Variants in NRG1 observed in about 807,000 individuals in gnomAD.
NRG1 encodes the protein neuregulin 1.
NRG1 carries 18 observed loss-of-function variants against 63.8 expected under a neutral mutation model. The observed-to-expected ratio is 0.28, with a 90% CI of 0.19 to 0.42. The LOEUF is 0.42. NRG1 is among the 10% of genes least tolerant of loss of function. NRG1 has a pLI of 1.00. For missense variants in NRG1, 762 were observed against 814.7 expected (o/e 0.94, Z 0.79); for synonymous variants, 302 against 301.3 (o/e 1.00, Z -0.02).
chr8:32,204,657 C>G (rs1843835800), intron 1 of NRG1, among the ~76,000 whole-genome samples: 1 of 152,138 alleles, frequency 6.6e-6, no homozygotes, highest in Non-Finnish European at 1.5e-5. Flanking sequence ...GTTAACGGAT[C>G]TTTTAAAATG....
At chr8:32,595,642 A>G (rs930339135) in intron 1 of NRG1, among the ~76,000 whole-genome samples, 186 bp from the exon 2 acceptor site, 2 of 152,214 alleles carry the variant, frequency 1.3e-5, no homozygotes, top group Non-Finnish European at 2.9e-5. Context: ...AGTATATTTT[A>G]TTTGGGCATT....
Position 31,814,277 on chromosome 8 carries a change from C to A in NRG1, c.37+174846C>A, listed in dbSNP as rs538222349. Among the ~76,000 whole-genome samples the A allele has an allele frequency of 1.2e-4, 19 of 152,292 alleles. No individual in the cohort carries two copies. The South Asian group carries it at 3.7e-3, about 30-fold the overall frequency. On this transcript the variant is annotated intron_variant, in intron 1 of 10. Coordinates refer to the NRG1 transcript ENST00000519301. ...CTCTAGCTACCTGGAATAAAACACC[C>A]AGTGTAGTGTCTGGGATCCAGTGGG...
intron 1 of NRG1, among the ~76,000 whole-genome samples, chr8:32,372,801 C>T (rs1400189335): frequency 6.6e-6 from 1 of 152,146 alleles, no homozygotes; most frequent in African/African-American, 2.4e-5. Context: ...GTTTCAATCA[C>T]TCAAATCCTG....
intron 1 of NRG1, among the ~76,000 whole-genome samples, chr8:31,908,823 A>G (rs1017290361): frequency 2.0e-5 from 3 of 152,340 alleles, no homozygotes; most frequent in Non-Finnish European, 4.4e-5. Flanking sequence ...TATAAGGGAA[A>G]AAAAGCCAGA....
intron 5 of NRG1, among the ~76,000 whole-genome samples, chr8:32,617,433 A>G (rs940871668): frequency 6.6e-6 from 1 of 152,260 alleles, no homozygotes; most frequent in Non-Finnish European, 1.5e-5. Context: ...GTTTTCGTCT[A>G]TTTAATGTGA....
chr8:32,427,099 A>G (rs1444129506), intron 1 of NRG1, among the ~76,000 whole-genome samples: 2 of 151,974 alleles, frequency 1.3e-5, no homozygotes, highest in Non-Finnish European at 2.9e-5. Context: ...GTCTTAGGTC[A>G]TTTTATTATC....
In NRG1 at chr8:32,660,887, T is replaced by C. The variant is rs148185964; in HGVS notation, c.502+44002T>C. Among the ~76,000 whole-genome samples, 537 of 152,334 alleles carry C rather than the reference T, an allele frequency of 3.5e-3. 5 individuals carry two copies. Among genetic ancestry groups the C allele is most frequent in the African/African-American group, 0.012 (508 of 41,574 alleles). On this transcript the variant is annotated intron_variant, in intron 5 of 11. Coordinates refer to ENST00000356819, the Ensembl canonical transcript of NRG1. ...AAAGTGCATTTCCTTAGATTTCAAG[T>C]TTGATAGCTTGTGATTACAATAACA...
intron 1 of NRG1, among the ~76,000 whole-genome samples, chr8:32,525,055 CA>C (rs1830691476): frequency 6.6e-6 from 1 of 152,160 alleles, no homozygotes; most frequent in Non-Finnish European, 1.5e-5. Flanking sequence ...AAACCTTGAG[CA>C]AAGAAATACT....
chr8:32,599,164 A>T (rs1018385175), intron 2 of NRG1, among the ~76,000 whole-genome samples: 10 of 152,082 alleles, frequency 6.6e-5, no homozygotes, highest in African/African-American at 2.4e-4. Flanking sequence ...AGATGCATTT[A>T]TATATTACTA....
chr8:32,025,103 A>C (rs187712044), intron 1 of NRG1, among the ~76,000 whole-genome samples: 1 of 152,192 alleles, frequency 6.6e-6, no homozygotes, highest in Non-Finnish European at 1.5e-5. Context: ...TCAAGGGAGC[A>C]TCTTACTTTG....
intron 1 of NRG1, among the ~76,000 whole-genome samples, chr8:32,489,550 G>A (rs915750937): frequency 6.6e-6 from 1 of 152,254 alleles, no homozygotes; most frequent in African/African-American, 2.4e-5. Context: ...ACCTACTGTA[G>A]CAGGACCACA....
chr8:31,710,034 A>T (rs1168663138), intron 1 of NRG1, among the ~76,000 whole-genome samples: 2 of 151,566 alleles, frequency 1.3e-5, no homozygotes, highest in Non-Finnish European at 3.0e-5. Context: ...AAATTTTTTA[A>T]TAAAAATTAA....
intron 1 of NRG1, among the ~76,000 whole-genome samples, chr8:31,922,478 G>C (rs79141878): frequency 6.6e-6 from 1 of 152,076 alleles, no homozygotes; most frequent in African/African-American, 2.4e-5. Context: ...CCTTTATCTC[G>C]CCATTAGCAG....
intron 1 of NRG1, among the ~76,000 whole-genome samples, chr8:32,158,448 G>GAGATATATATATATATAT (rs1554641400): frequency 4.8e-5 from 3 of 62,184 alleles, no homozygotes; most frequent in Non-Finnish European, 1.2e-4. Context: ...TGGTTTACAT[G>GAGATATATATATATATAT]ATATATATAT....
At chr8:32,212,270 C>T (rs1427627018) in intron 1 of NRG1, among the ~76,000 whole-genome samples, 2 of 152,238 alleles carry the variant, frequency 1.3e-5, no homozygotes, top group African/African-American at 2.4e-5. Flanking sequence ...AAATAATACA[C>T]ATAAAATACT....
chr8:32,312,157 G>GTTTTTTTTTTTTTTTTT (rs35888973), intron 1 of NRG1, among the ~76,000 whole-genome samples: 1 of 74,400 alleles, frequency 1.3e-5, no homozygotes, highest in African/African-American at 5.5e-5. Context: ...GACCTTGTTT[G>GTTTTTTTTTTTTTTTTT]TTTTTTTTTT....
At chr8:32,075,827 C>T (rs1483708659) in intron 1 of NRG1, among the ~76,000 whole-genome samples, 1 of 152,092 alleles carries the variant, frequency 6.6e-6, no homozygotes, top group Non-Finnish European at 1.5e-5. Flanking sequence ...CACAGGCCAC[C>T]ACACCCACCT....
chr8:31,983,659 G>A (rs529521157), intron 1 of NRG1, among the ~76,000 whole-genome samples: 106 of 152,152 alleles, frequency 7.0e-4, no homozygotes, highest in African/African-American at 2.3e-3. Flanking sequence ...TGACAAAGGT[G>A]AATAACACCT....
chr8:32,583,145 A>G (rs1840977749), intron 1 of NRG1, among the ~76,000 whole-genome samples: 1 of 152,236 alleles, frequency 6.6e-6, no homozygotes, highest in African/African-American at 2.4e-5. Context: ...ATATAACCTA[A>G]CATTTTCTGG....
Sources: allele counts gnomAD v4.1 joint callset (sites outside exome capture counted in the v4.1 genomes callset), GRCh38; gene constraint gnomAD v4.1.1; transcripts MANE v1.5; gene names NCBI Gene and HGNC (gene_info 2026-07-23, HGNC 2026-07-21).